The following HPSE2 variants were observed in gnomAD, a reference collection of about 807,000 sequenced individuals.
HPSE2 encodes inactive heparanase-2.
HPSE2 carries 38 observed loss-of-function variants against 60.5 expected under a neutral mutation model. That is an observed-to-expected ratio of 0.63 (90% CI 0.48 to 0.82). The LOEUF is 0.82. Ranked by LOEUF, HPSE2 falls within the 40% of genes least tolerant of loss-of-function variation. The probability of loss-of-function intolerance (pLI) is 0.00; values close to 1 mark genes in which losing one functional copy is unlikely to be tolerated. For synonymous variants in HPSE2, 295 were observed against 293.2 expected (o/e 1.01, Z -0.06); for missense variants, 713 against 740.4 (o/e 0.96, Z 0.43).
intron 3 of HPSE2, among the ~76,000 whole-genome samples, chr10:98,794,185 C>T (rs1950719991): frequency 1.3e-5 from 2 of 152,106 alleles, no homozygotes; most frequent in Middle Eastern, 3.4e-3. Flanking sequence ...TCACTAATGG[C>T]CCCCAAAATG....
chr10:98,462,694 T>A (rs1274953335), intron 11 of HPSE2, among the ~76,000 whole-genome samples: 1 of 152,070 alleles, frequency 6.6e-6, no homozygotes, highest in African/African-American at 2.4e-5. Flanking sequence ...GCCATTCCCC[T>A]CTGCCTGCTT....
At chr10:98,609,442 C>A (rs544855199) in intron 9 of HPSE2, among the ~76,000 whole-genome samples, 53 of 152,104 alleles carry the variant, frequency 3.5e-4, no homozygotes, top group East Asian at 1.9e-4. Flanking sequence ...GAAAAATAGG[C>A]CTTCTTTAAG....
chr10:99,078,046 T>TA, intron 3 of HPSE2, among the ~76,000 whole-genome samples: 1 of 152,242 alleles, frequency 6.6e-6, no homozygotes, highest in Non-Finnish European at 1.5e-5. Context: ...TTCCATGTGA[T>TA]ATGGGCCTGC....
At chr10:98,461,475 G>C (rs964839177) in intron 11 of HPSE2, among the ~76,000 whole-genome samples, 1 of 152,252 alleles carries the variant, frequency 6.6e-6, no homozygotes, top group Non-Finnish European at 1.5e-5. Flanking sequence ...CCAAATATGA[G>C]AAGTGACCCT....
intron 6 of HPSE2, among the ~76,000 whole-genome samples, chr10:98,660,437 T>C (rs775161416): frequency 1.9e-4 from 29 of 152,212 alleles, no homozygotes; most frequent in Admixed American, 4.6e-4. Context: ...CAACTTATTA[T>C]TGGGGCTCCT....
At chr10:99,141,997 G>A (rs1222930486) in intron 3 of HPSE2, among the ~76,000 whole-genome samples, 3 of 152,192 alleles carry the variant, frequency 2.0e-5, no homozygotes, top group Non-Finnish European at 2.9e-5. Flanking sequence ...GTGGGTAGAG[G>A]AGAAGGATGT....
At chr10:98,676,173 C>T (rs529255081) in intron 6 of HPSE2, among the ~76,000 whole-genome samples, 1 of 152,234 alleles carries the variant, frequency 6.6e-6, no homozygotes. Flanking sequence ...ATGCGATGTG[C>T]TTGGGAAGCG....
At position 98,945,829 on chromosome 10, in the gene HPSE2, C is replaced by G. The variant is rs77726011; in HGVS notation, c.610+198409G>C. On this transcript the variant is annotated intron_variant, in intron 3 of 11. Coordinates refer to ENST00000370552, the MANE Select transcript of HPSE2 (RefSeq NM_021828.5). ...AGAAACAATTAGATAATTCTGATGT[C>G]TTGTTTAGCATTTACTGTTCACATT... Among the ~76,000 whole-genome samples, 1,089 of 152,194 alleles carry G rather than the reference C, an allele frequency of 7.2e-3. 13 individuals are homozygous for G. Among genetic ancestry groups the G allele is most frequent in the African/African-American group, 0.025 (1,024 of 41,520 alleles).
chr10:98,776,882 T>C (rs920463945), intron 3 of HPSE2, among the ~76,000 whole-genome samples: 2 of 152,170 alleles, frequency 1.3e-5, no homozygotes, highest in African/African-American at 4.8e-5. Context: ...ATGTTCTTAG[T>C]ATAGGAGATG....
intron 3 of HPSE2, among the ~76,000 whole-genome samples, chr10:98,941,019 C>G (rs11189891): frequency 0.98 from 128,675 of 131,306 alleles, 63,232 homozygotes; most frequent in East Asian, 1. Context: ...AAAGGCCTTT[C>G]ACAAAATTCA....
At chr10:98,625,686 T>C (rs969366137) in intron 7 of HPSE2, among the ~76,000 whole-genome samples, 5 of 152,194 alleles carry the variant, frequency 3.3e-5, no homozygotes, top group African/African-American at 1.2e-4. Context: ...TAAATGATAC[T>C]AATAAGAATT....
At chr10:98,471,607 G>C (rs1441769186) in intron 11 of HPSE2, among the ~76,000 whole-genome samples, 1 of 152,020 alleles carries the variant, frequency 6.6e-6, no homozygotes, top group East Asian at 1.9e-4. Context: ...TAGACTGAAG[G>C]GAGCATTTTT....
chr10:98,607,024 T>A (rs1340472355), intron 9 of HPSE2, among the ~76,000 whole-genome samples: 1 of 152,042 alleles, frequency 6.6e-6, no homozygotes, highest in African/African-American at 2.4e-5. Context: ...ATTTCTTTTT[T>A]TCCTCTTCCT....
chr10:98,551,269 C>T (rs913021054), intron 9 of HPSE2, among the ~76,000 whole-genome samples: 4 of 152,004 alleles, frequency 2.6e-5, no homozygotes, highest in Admixed American at 2.0e-4. Flanking sequence ...ATACTGACAG[C>T]GCTGCAGAAA....
chr10:99,274,126 G>T, the HPSE2 span, among the ~76,000 whole-genome samples: 1 of 152,296 alleles, frequency 6.6e-6, no homozygotes, highest in Non-Finnish European at 1.5e-5. Context: ...CAGGCAGATC[G>T]CTTGAGGCCA....
At chr10:98,614,651 T>G (rs1294725877) in intron 9 of HPSE2, among the ~76,000 whole-genome samples, 1 of 152,056 alleles carries the variant, frequency 6.6e-6, no homozygotes, top group African/African-American at 2.4e-5. Flanking sequence ...ATATGTATAT[T>G]GCATACTGCA....
intron 3 of HPSE2, among the ~76,000 whole-genome samples, chr10:98,917,967 C>G (rs889963341): frequency 1.3e-5 from 2 of 152,050 alleles, no homozygotes; most frequent in African/African-American, 2.4e-5. Context: ...AAAGTGATAC[C>G]AGTTCAGGGC....
intron 3 of HPSE2, among the ~76,000 whole-genome samples, chr10:99,026,339 C>T (rs4376835): frequency 0.76 from 115,467 of 151,896 alleles, 44,202 homozygotes; most frequent in East Asian, 0.86. Context: ...CTTTATCAGA[C>T]AGATGTCAGG....
chr10:99,033,169 A>G (rs999276749), intron 3 of HPSE2, among the ~76,000 whole-genome samples: 2 of 152,202 alleles, frequency 1.3e-5, no homozygotes, highest in Non-Finnish European at 2.9e-5. Context: ...TTAGATACAT[A>G]TATATTTCTT....
Sources: allele counts gnomAD v4.1 joint callset (sites outside exome capture counted in the v4.1 genomes callset), GRCh38; gene constraint gnomAD v4.1.1; transcripts MANE v1.5; gene names NCBI Gene and HGNC (gene_info 2026-07-23, HGNC 2026-07-21).